Variants in UNC13C observed in about 807,000 individuals in gnomAD.
The protein encoded by UNC13C is protein unc-13 homolog C.
UNC13C carries 174 observed loss-of-function variants against 245.4 expected under a neutral mutation model. That is an observed-to-expected ratio of 0.71 (90% CI 0.63 to 0.80). UNC13C has a LOEUF of 0.80. Among genes scored for constraint, UNC13C ranks in the 30% least tolerant of loss-of-function variants. The pLI is 0.00. For missense variants in UNC13C, 2,829 were observed against 2,602.9 expected, an observed-to-expected ratio of 1.09 and a Z score of -1.89; for synonymous variants, 992 against 895.1, an observed-to-expected ratio of 1.11 and a Z score of -1.93.
At chr15:54,224,423 T>C (rs1471256496) in intron 4 of UNC13C, among the ~76,000 whole-genome samples, 3 of 152,156 alleles carry the variant, frequency 2.0e-5, no homozygotes, top group Non-Finnish European at 4.4e-5. Context: ...GTTGATGTGA[T>C]GTATCACACT....
At chr15:54,430,629 A>G (rs1055933293) in intron 19 of UNC13C, among the ~76,000 whole-genome samples, 1 of 151,776 alleles carries the variant, frequency 6.6e-6, no homozygotes, top group Admixed American at 6.6e-5. Flanking sequence ...TACATTTTCT[A>G]TACCATTGCT....
At chr15:53,873,297 A>G in the UNC13C span, among the ~76,000 whole-genome samples, 2 of 152,182 alleles carry the variant, frequency 1.3e-5, no homozygotes, top group African/African-American at 4.8e-5. Flanking sequence ...GTTCTTGCAA[A>G]AGATCCATTC....
intron 2 of UNC13C, among the ~76,000 whole-genome samples, chr15:54,100,676 C>T (rs1567013888): frequency 6.6e-6 from 1 of 151,324 alleles, no homozygotes. Context: ...TACACTTCTC[C>T]AACTCAGTAT....
At chr15:54,300,503 G>T in intron 13 of UNC13C, 130 bp downstream of exon 13, 1 of 881,880 alleles carries the variant, frequency 1.1e-6, no homozygotes, top group South Asian at 2.0e-5. Context: ...GTGCATGTTT[G>T]ATGCTGACTA....
intron 19 of UNC13C, among the ~76,000 whole-genome samples, chr15:54,476,506 C>T (rs2141053124): frequency 6.6e-6 from 1 of 151,840 alleles, no homozygotes; most frequent in African/African-American, 2.4e-5. Context: ...GGAAGGGATC[C>T]AGTTTCAGCT....
At chr15:53,881,645 A>C in the UNC13C span, among the ~76,000 whole-genome samples, 1 of 152,194 alleles carries the variant, frequency 6.6e-6, no homozygotes, top group African/African-American at 2.4e-5. Flanking sequence ...CCTGATTTGA[A>C]AGTCCTTTAG....
At chr15:53,884,095 CATT>C in the UNC13C span, among the ~76,000 whole-genome samples, 692 of 121,320 alleles carry the variant, frequency 5.7e-3, 14 homozygotes, top group African/African-American at 0.021. Context: ...TTGAGACCAT[CATT>C]GTTGTTACGA....
At chr15:53,994,873 G>C (rs2140965385) in intron 1 of UNC13C, among the ~76,000 whole-genome samples, 1 of 152,140 alleles carries the variant, frequency 6.6e-6, no homozygotes, top group African/African-American at 2.4e-5. Flanking sequence ...ACACTGATGA[G>C]GGCCTGAACT....
At chr15:54,295,987 A>G (rs2037418660) in intron 11 of UNC13C, among the ~76,000 whole-genome samples, 1 of 152,094 alleles carries the variant, frequency 6.6e-6, no homozygotes, top group Non-Finnish European at 1.5e-5. Context: ...AACCCTCCTT[A>G]TCACTTAAAA....
Position 54,459,518 on chromosome 15 carries a change from G to A in UNC13C, c.4934-35090G>A, listed in dbSNP as rs546725693. Among the ~76,000 whole-genome samples the A allele has an allele frequency of 8.6e-5, 13 of 152,000 alleles. No homozygotes were observed. The South Asian group carries it at 1.3e-3, about 15-fold the overall frequency. Reference sequence around the variant, plus strand: ...CAAACTTTTTGATTTTTCTTCCTCCGCAGGAACACCAATTATTCTTACGTT... The same window carrying A: ...CAAACTTTTTGATTTTTCTTCCTCCACAGGAACACCAATTATTCTTACGTT... On this transcript the variant is annotated intron_variant, in intron 19 of 32. Coordinates refer to ENST00000260323, the MANE Select transcript of UNC13C (RefSeq NM_001080534.3).
chr15:54,092,625 G>A (rs1055509879), intron 2 of UNC13C, among the ~76,000 whole-genome samples: 1 of 152,150 alleles, frequency 6.6e-6, no homozygotes, highest in Non-Finnish European at 1.5e-5. Context: ...AGTTGCTAGT[G>A]ATGCAAATAG....
chr15:54,563,420 A>G (rs564674482), intron 29 of UNC13C, among the ~76,000 whole-genome samples: 17 of 152,008 alleles, frequency 1.1e-4, no homozygotes, highest in Non-Finnish European at 1.8e-4. Context: ...TTCAATAAGG[A>G]GGAAATGACC....
chr15:54,320,389 C>T (rs538533207), intron 13 of UNC13C, among the ~76,000 whole-genome samples: 145 of 151,804 alleles, frequency 9.6e-4, no homozygotes, highest in African/African-American at 3.4e-3. Context: ...AAATTACGTT[C>T]TTTTTTTTAA....
At chr15:54,158,336 T>A (rs933045552) in intron 4 of UNC13C, among the ~76,000 whole-genome samples, 2 of 151,112 alleles carry the variant, frequency 1.3e-5, no homozygotes, top group African/African-American at 2.4e-5. Context: ...TTTTTTTTAA[T>A]TTTTTTTTTG....
chr15:54,531,290 G>C (rs1429268479), intron 25 of UNC13C, among the ~76,000 whole-genome samples: 2 of 152,186 alleles, frequency 1.3e-5, no homozygotes, highest in African/African-American at 4.8e-5. Flanking sequence ...ACTGCTGATG[G>C]AGAAGTGAAG....
At chr15:54,484,957 G>A (rs1893328832) in intron 19 of UNC13C, among the ~76,000 whole-genome samples, 1 of 152,094 alleles carries the variant, frequency 6.6e-6, no homozygotes, top group Non-Finnish European at 1.5e-5. Flanking sequence ...AGACATACTT[G>A]AAACTGATTA....
chr15:54,084,232 C>A (rs1454331968), intron 2 of UNC13C, among the ~76,000 whole-genome samples: 2 of 152,184 alleles, frequency 1.3e-5, no homozygotes, highest in Non-Finnish European at 2.9e-5. Flanking sequence ...TGATCCACGT[C>A]CCCTTTTTTC....
chr15:53,987,720 G>A (rs552142547), intron 1 of UNC13C, among the ~76,000 whole-genome samples: 1 of 152,100 alleles, frequency 6.6e-6, no homozygotes, highest in Non-Finnish European at 1.5e-5. Context: ...TTTGAAACAT[G>A]CACACAAAAT....
intron 2 of UNC13C, among the ~76,000 whole-genome samples, chr15:54,084,817 G>A (rs1899147098): frequency 6.6e-6 from 1 of 152,054 alleles, no homozygotes; most frequent in African/African-American, 2.4e-5. Context: ...ATGCCATTTG[G>A]TCACTCTTTT....
Sources: allele counts gnomAD v4.1 joint callset (sites outside exome capture counted in the v4.1 genomes callset), GRCh38; gene constraint gnomAD v4.1.1; transcripts MANE v1.5; gene names NCBI Gene and HGNC (gene_info 2026-07-23, HGNC 2026-07-21).